DNAH6: variants seen among roughly 807,000 people sequenced by gnomAD.
DNAH6 encodes the protein dynein axonemal heavy chain 6, also known as axonemal beta dynein heavy chain 6.
Under a neutral mutation model 491.4 loss-of-function variants are expected in DNAH6, and 340 were observed. The ratio of observed to expected loss-of-function variants is 0.69; its 90% CI spans 0.63 to 0.76. The LOEUF (loss-of-function observed/expected upper bound fraction) is 0.76, where lower values mean the gene tolerates loss of function less well. DNAH6 is among the 30% of genes least tolerant of loss of function. DNAH6 has a pLI of 0.00. For synonymous variants in DNAH6, 1,603 were observed against 1,686.1 expected (o/e 0.95, Z 1.21); for missense variants, 4,443 against 4,972.2 (o/e 0.89, Z 3.20).
At position 84,683,611 on chromosome 2, in the gene DNAH6, C is replaced by T. The variant is rs183703510; in HGVS notation, c.6917-1715C>T. Among the ~76,000 whole-genome samples the T allele has an allele frequency of 1.0e-3, 153 of 151,832 alleles. 1 individual carries two copies. Among genetic ancestry groups the T allele is most frequent in the African/African-American group, 3.6e-3 (148 of 41,392 alleles). On this transcript the variant is annotated intron_variant, in intron 42 of 76. Transcript: ENST00000389394. ...CTAATTTTTGTATTTTTAGTAAAGA[C>T]CGGGTTTCGCCATGTTGGTCAGGCT...
intron 60 of DNAH6, 26 bp from the exon 61 acceptor site, chr2:84,727,643 C>A: frequency 7.3e-7 from 1 of 1,371,956 alleles, no homozygotes; most frequent in South Asian, 1.3e-5. Flanking sequence ...AAATCAGAGA[C>A]ATTGATAGAG....
intron 30 of DNAH6, among the ~76,000 whole-genome samples, chr2:84,636,241 C>T (rs556473718): frequency 6.6e-6 from 1 of 152,316 alleles, no homozygotes; most frequent in African/African-American, 2.4e-5. Context: ...CCTAGCTATG[C>T]TTTCTGGAAC....
intron 41 of DNAH6, among the ~76,000 whole-genome samples, chr2:84,677,872 G>A (rs1378771680): frequency 6.6e-6 from 1 of 152,190 alleles, no homozygotes; most frequent in Non-Finnish European, 1.5e-5. Context: ...AACAGGAAGT[G>A]CTGGGTGAAC....
At chr2:84,490,492 G>T in the DNAH6 span, among the ~76,000 whole-genome samples, 1 of 151,830 alleles carries the variant, frequency 6.6e-6, no homozygotes, top group East Asian at 1.9e-4. Flanking sequence ...TCCAACCATT[G>T]GTAATCACTG....
rs1415300373 is a variant in DNAH6 at position 84,697,687 on chromosome 2, G to C, written c.7637G>C (p.Arg2546Thr). Reference protein sequence around the residue: ...LEQVLAATRPRAKEVGISEGN... With the variant: ...LEQVLAATRPTAKEVGISEGN... ...CAGGTTTTAGCGGCCACCAGACCAA[G>C]AGCAAAAGAAGTAGGAATTTCTGAG... Residue 2546 changes from arginine to threonine, a missense_variant, in exon 47 of 77, where the codon AGA becomes ACA. Arg to Thr is a moderately conservative substitution (Grantham distance 71). Around this residue, in one of 3 missense-constraint regions of DNAH6, gnomAD observed 2,977 missense variants for 3,296.6 expected, o/e 0.90. Coordinates refer to ENST00000389394, the MANE Select transcript of DNAH6 (RefSeq NM_001370.2). The C allele has an allele frequency of 6.4e-7, 1 of 1,551,758 alleles. No individual in the cohort carries two copies. Among genetic ancestry groups the C allele is most frequent in the African/African-American group, 1.4e-5 (1 of 73,030 alleles).
chr2:84,569,769 A>G (rs914437578), intron 11 of DNAH6, among the ~76,000 whole-genome samples: 1 of 152,200 alleles, frequency 6.6e-6, no homozygotes, highest in Non-Finnish European at 1.5e-5. Flanking sequence ...GTTGAGCAAA[A>G]TAAATAAATA....
At chr2:84,800,441 T>G (rs780953846) in intron 70 of DNAH6, among the ~76,000 whole-genome samples, 5 of 152,056 alleles carry the variant, frequency 3.3e-5, no homozygotes, top group Non-Finnish European at 7.4e-5. Context: ...GATACAGAAT[T>G]CAGAATATGT....
At chr2:84,480,779 A>G in the DNAH6 span, among the ~76,000 whole-genome samples, 1 of 152,164 alleles carries the variant, frequency 6.6e-6, no homozygotes, top group African/African-American at 2.4e-5. Context: ...CCTGACCAAC[A>G]TGGAGAAACC....
At chr2:84,605,622 G>C in intron 20 of DNAH6, 30 bp downstream of exon 20, 1 of 1,432,248 alleles carries the variant, frequency 7.0e-7, no homozygotes. Context: ...AAAACTTATG[G>C]TAAAGATCCC....
chr2:84,673,205 T>C (rs779809124), intron 40 of DNAH6, among the ~76,000 whole-genome samples: 1 of 151,940 alleles, frequency 6.6e-6, no homozygotes, highest in Non-Finnish European at 1.5e-5. Flanking sequence ...AATACTACGG[T>C]GGTGTGAATT....
chr2:84,610,491 A>AT (rs910252335), intron 21 of DNAH6, among the ~76,000 whole-genome samples: 4 of 152,066 alleles, frequency 2.6e-5, no homozygotes, highest in African/African-American at 7.2e-5. Context: ...AAGAATGCTC[A>AT]TTGTTGCTTG....
In DNAH6 at chr2:84,796,403, A is replaced by G. The variant is rs1465718263; in HGVS notation, c.11337A>G (p.Glu3779=). The change falls in exon 69 of 77, where the codon GAA becomes GAG. Residue 3779 remains glutamate (E), a synonymous_variant. Transcript: ENST00000389394. The part of the protein sequence containing the change: ...KRFFSPETLE[E]DYKYSESGIY... Reference sequence around the variant, plus strand: ...TTTTTTCTCCTGAAACATTAGAAGAAGATTATAAATACTCTGAATCAGGTG... The same window carrying G: ...TTTTTTCTCCTGAAACATTAGAAGAGGATTATAAATACTCTGAATCAGGTG... 2 of 1,530,366 alleles carry G rather than the reference A, an allele frequency of 1.3e-6. No homozygotes were observed. The highest frequency in any genetic ancestry group is 8.8e-7 in the Non-Finnish European group (1 of 1,133,874). The allele number at this position is 1,530,366 out of a possible 1,614,324, so 94.8% of individuals were successfully genotyped here. A position where few individuals can be genotyped will look rare whatever the true frequency, so the allele number is the denominator to read the frequency against.
intron 62 of DNAH6, among the ~76,000 whole-genome samples, chr2:84,734,187 G>A (rs1409527451): frequency 3.8e-5 from 5 of 131,748 alleles, no homozygotes; most frequent in African/African-American, 8.8e-5. Flanking sequence ...TTGTTCTGTC[G>A]CCCAGGCTGG....
intron 70 of DNAH6, among the ~76,000 whole-genome samples, chr2:84,805,233 C>T (rs1336268782): frequency 6.6e-6 from 1 of 152,144 alleles, no homozygotes; most frequent in East Asian, 1.9e-4. Context: ...ACCAACTCTA[C>T]CTCCAAGACA....
At position 84,681,410 on chromosome 2, in the gene DNAH6, A is replaced by C. The variant is rs1412137618; in HGVS notation, c.6798A>C (p.Ala2266=). ...TTCCACCAGCTGTAAAGCAAACTGC[A>C]TCAAGCATTGTAGAAGCCTCAGTTG... is the stretch of plus-strand genomic sequence containing the variant. ...SDFPPAVKQT[A]SSIVEASVEI... The change falls in exon 42 of 77, where the codon GCA becomes GCC. Residue 2266 remains alanine (A), a synonymous_variant. Transcript: ENST00000389394. 1 of 1,551,642 alleles carries C rather than the reference A, an allele frequency of 6.4e-7. No individual in the cohort carries two copies. Among genetic ancestry groups the C allele is most frequent in the Admixed American group, 2.0e-5 (1 of 50,970 alleles).
Position 84,669,536 on chromosome 2 carries a change from G to A in DNAH6, c.6306+26G>A, listed in dbSNP as rs376580958. On this transcript the variant is annotated intron_variant, in intron 38 of 76. Transcript: ENST00000389394. ...GTAGGAAACTTACATCAAACAAGAA[G>A]TCCTCTCCAAATGTGAGGGCATGAT... 79 of 1,533,062 alleles carry A rather than the reference G, an allele frequency of 5.2e-5. No individual in the cohort carries two copies. The African/African-American group carries it at 8.9e-4, about 17-fold the overall frequency. 95.0% of individuals were successfully genotyped at this position (1,533,062 alleles called of 1,614,324 possible). A position where few individuals can be genotyped will look rare whatever the true frequency, so the allele number is the denominator to read the frequency against.
the DNAH6 span, among the ~76,000 whole-genome samples, chr2:84,479,676 A>ACC: frequency 6.6e-6 from 1 of 152,112 alleles, no homozygotes; most frequent in African/African-American, 2.4e-5. Context: ...CATAAAAGAG[A>ACC]CCCAAGAGTT....
At chr2:84,683,412 ATTTTTTTTT>A (rs61217837) in intron 42 of DNAH6, among the ~76,000 whole-genome samples, 92 of 93,894 alleles carry the variant, frequency 9.8e-4, no homozygotes, top group African/African-American at 3.4e-3. Context: ...CACCACTCTT[ATTTTTTTTT>A]TTTTTTTTTT....
rs1691180829 is a variant in DNAH6 at position 84,658,376 on chromosome 2, A to G, written c.5842A>G (p.Ser1948Gly). 2 of 1,549,414 alleles carry G rather than the reference A, an allele frequency of 1.3e-6. No homozygotes were observed. Among genetic ancestry groups the G allele is most frequent in the Admixed American group, 2.0e-5 (1 of 50,788 alleles). ...EGLHFINKKC[S>G]QAIPQVDISK... ...TTTACATTTTATCAATAAAAAGTGCAGCCAAGCAATTCCACAAGTGGACAT... is the reference window on the plus strand; with the variant it reads ...TTTACATTTTATCAATAAAAAGTGCGGCCAAGCAATTCCACAAGTGGACAT... The change falls in exon 36 of 77, where the codon AGC (serine) becomes GGC (glycine). Residue 1948 changes from serine (S) to glycine (G), a missense_variant. Coordinates refer to ENST00000389394, the MANE Select transcript of DNAH6 (RefSeq NM_001370.2).
Sources: gnomAD v4.1 joint callset for allele counts (sites outside exome capture counted in the v4.1 genomes callset) on GRCh38, gnomAD v4.1.1 for gene constraint, gnomAD v4.1.1 regional missense constraint, MANE v1.5 for transcripts, NCBI Gene and HGNC (gene_info 2026-07-23, HGNC 2026-07-21) for gene names.